VCL: variants seen among roughly 807,000 people sequenced by gnomAD.
VCL encodes epididymis luminal protein 114.
In VCL, 47 loss-of-function variants were observed where a neutral mutation model predicts 125.7. That is an observed-to-expected ratio of 0.37 (90% confidence interval 0.30 to 0.48). VCL has a LOEUF of 0.48. Among genes scored for constraint, VCL ranks in the 20% least tolerant of loss-of-function variants. The probability of loss-of-function intolerance (pLI) is 0.99; values close to 1 mark genes in which losing one functional copy is unlikely to be tolerated. For synonymous variants in VCL, 458 were observed against 514.6 expected (o/e 0.89, Z 1.49); for missense variants, 1,069 against 1,455.5 (o/e 0.73, Z 4.32).
chr10:73,999,824 C>A (rs1840193630), intron 1 of VCL, among the ~76,000 whole-genome samples: 1 of 152,164 alleles, frequency 6.6e-6, no homozygotes, highest in African/African-American at 2.4e-5. Flanking sequence ...TGTATTCATT[C>A]ACAATGTCTA....
At chr10:74,070,612 C>T (rs1375639777) in intron 2 of VCL, 58 bp from the exon 3 acceptor site, 5 of 1,607,720 alleles carry the variant, frequency 3.1e-6, no homozygotes, top group Non-Finnish European at 4.2e-6. Context: ...TTTGTATTTG[C>T]ATATGGTATT....
intron 8 of VCL, among the ~76,000 whole-genome samples, chr10:74,086,290 G>C (rs1839769902): frequency 6.6e-6 from 1 of 152,176 alleles, no homozygotes; most frequent in Non-Finnish European, 1.5e-5. Flanking sequence ...ACAATATTAT[G>C]TATAATTTCT....
chr10:74,087,751 G>T (rs1428537294), intron 8 of VCL, among the ~76,000 whole-genome samples: 1 of 151,884 alleles, frequency 6.6e-6, no homozygotes, highest in African/African-American at 2.4e-5. Context: ...TGAGGCTGGT[G>T]GATCTCTTGA....
At position 74,100,035 on chromosome 10, in the gene VCL, C is replaced by T. The variant is rs1840026274; in HGVS notation, c.1873-913C>T. ...AAAAAAGAGGACGCATTCCACTAGG[C>T]AGCTCCAGACATGTTCGTGTAGTGT... is the stretch of plus-strand genomic sequence containing the variant. On this transcript the variant is annotated intron_variant, in intron 13 of 21. Transcript: ENST00000211998. 3.3e-5 allele frequency among the ~76,000 whole-genome samples: 5 copies of T among 152,356 alleles called. No homozygotes were observed. In the South Asian group the frequency reaches 1.0e-3, roughly 32 times the overall value.
rs748846323 is a variant in VCL, at chr10:74,095,889, T to TA, written c.1743+35dup. ...CAGGAGCACATATCATTTTACTTTT[T>TA]ATGCTTCCTATTATTGAAAGACGAG... On this transcript the variant is annotated intron_variant, in intron 12 of 21. Coordinates refer to ENST00000211998, the MANE Select transcript of VCL (RefSeq NM_014000.3). The TA allele has an allele frequency of 4.4e-6, 7 of 1,605,476 alleles. No individual in the cohort carries two copies. The African/African-American group carries it at 9.4e-5, about 21-fold the overall frequency.
intron 16 of VCL, 117 bp from the exon 17 acceptor site, chr10:74,107,113 A>C (rs776558022): frequency 4.8e-5 from 75 of 1,550,790 alleles, no homozygotes; most frequent in Non-Finnish European, 6.3e-5. Context: ...ACTGCCCGTG[A>C]TATTTACTGG....
At chr10:74,036,783 A>G (rs1445930454) in intron 1 of VCL, among the ~76,000 whole-genome samples, 2 of 152,030 alleles carry the variant, frequency 1.3e-5, no homozygotes, top group East Asian at 3.9e-4. Flanking sequence ...ATTGGGAATC[A>G]TATTTCTCCA....
intron 1 of VCL, among the ~76,000 whole-genome samples, chr10:74,027,173 G>T (rs368775556): frequency 1.3e-5 from 2 of 152,116 alleles, no homozygotes; most frequent in African/African-American, 4.8e-5. Flanking sequence ...TTTTATTCTG[G>T]TGGGGCTCTG....
At chr10:74,069,908 A>T (rs770753019) in intron 2 of VCL, among the ~76,000 whole-genome samples, 2 of 152,202 alleles carry the variant, frequency 1.3e-5, no homozygotes, top group Non-Finnish European at 2.9e-5. Flanking sequence ...TGATCTGGTT[A>T]CTTATATTAA....
chr10:74,026,759 G>A lies in VCL; in HGVS notation c.169-16324G>A, dbSNP rs115979834. Among the ~76,000 whole-genome samples, 1,054 of 152,304 alleles carry A rather than the reference G, an allele frequency of 6.9e-3. 11 individuals carry two copies. Among genetic ancestry groups the A allele is most frequent in the African/African-American group, 0.024 (1,016 of 41,566 alleles). ...CTCAAAGAGATTAAGTAACTTGCCA[G>A]AGGACACAGATCTGGTAACAGCACA... is the stretch of plus-strand genomic sequence containing the variant. On this transcript the variant is annotated intron_variant, in intron 1 of 21. Transcript: ENST00000211998.
chr10:74,083,182 T>A lies in VCL; in HGVS notation c.875-184T>A, dbSNP rs189539613. ...CAAGTATCTTTTTTTGCGTGTCTGT[T>A]GTTGAAACCTCACCCTATGGTTTAA... is the stretch of plus-strand genomic sequence containing the variant. On this transcript the variant is annotated intron_variant, in intron 7 of 21. Coordinates refer to ENST00000211998, the MANE Select transcript of VCL (RefSeq NM_014000.3). Among the ~76,000 whole-genome samples, 245 of 152,330 alleles carry A rather than the reference T, an allele frequency of 1.6e-3. No individual in the cohort carries two copies. Among genetic ancestry groups the A allele is most frequent in the Admixed American group, 6.5e-3 (99 of 15,302 alleles).
At chr10:74,082,417 T>G (rs566843123) in intron 6 of VCL, 37 bp from the exon 7 acceptor site, 1 of 1,611,242 alleles carries the variant, frequency 6.2e-7, no homozygotes, top group South Asian at 1.1e-5. Flanking sequence ...ATCTCAACTT[T>G]TGCAAAGAAA....
At chr10:74,032,721 T>C (rs1461544306) in intron 1 of VCL, among the ~76,000 whole-genome samples, 1 of 149,388 alleles carries the variant, frequency 6.7e-6, no homozygotes, top group African/African-American at 2.5e-5. Flanking sequence ...TATATATATA[T>C]ATATATATAT....
intron 1 of VCL, among the ~76,000 whole-genome samples, chr10:74,029,856 T>TA (rs551947921): frequency 6.6e-5 from 10 of 152,122 alleles, no homozygotes; most frequent in African/African-American, 1.2e-4. Context: ...ATAGTTGATT[T>TA]AAAAAAAATA....
intron 2 of VCL, 44 bp from the exon 3 acceptor site, chr10:74,070,626 C>T (rs1841648858): frequency 6.2e-7 from 1 of 1,612,650 alleles, no homozygotes; most frequent in South Asian, 1.1e-5. Context: ...TGGTATTCTT[C>T]TGTGTGGTTC....
chr10:74,030,778 G>C (rs955553368), intron 1 of VCL, among the ~76,000 whole-genome samples: 1 of 152,150 alleles, frequency 6.6e-6, no homozygotes, highest in South Asian at 2.1e-4. Flanking sequence ...GAAATTTCTT[G>C]ATTTTCAACT....
At chr10:74,091,298 G>T (rs1839879902) in intron 10 of VCL, among the ~76,000 whole-genome samples, 2 of 152,144 alleles carry the variant, frequency 1.3e-5, no homozygotes, top group Non-Finnish European at 2.9e-5. Context: ...TGGTAATGGT[G>T]CTAACAGCAG....
intron 16 of VCL, 100 bp downstream of exon 16, chr10:74,105,453 G>C: frequency 6.7e-7 from 1 of 1,485,800 alleles, no homozygotes. Flanking sequence ...TACAAAGTCT[G>C]GGGGCAAAAA....
Position 74,071,069 on chromosome 10 carries a change from A to G in VCL, c.485A>G (p.Lys162Arg). 6.2e-7 allele frequency: 1 copy of G among 1,614,130 alleles called. No individual in the cohort carries two copies. The highest frequency in any genetic ancestry group is 1.1e-5 in the South Asian group (1 of 91,084). The change falls in exon 4 of 22, where the codon AAG (lysine) becomes AGG (arginine). Residue 162 changes from lysine (K) to arginine (R), a missense_variant. Physicochemically the swap from Lys to Arg is conservative, Grantham distance 26 (BLOSUM62 2). Coordinates refer to ENST00000211998, the MANE Select transcript of VCL (RefSeq NM_014000.3). This position sits in a 1 kb window ranked among gnomAD's most constrained non-coding sequence, Gnocchi z 4.1. ...ATGGAAGATTTGGTCACTTACACAA[A>G]GAATCTTGGGCCAGGTTAGTTTTAT... ...ETMEDLVTYTKNLGPGMTKMA... is the reference protein window; with the variant it reads ...ETMEDLVTYTRNLGPGMTKMA...
Sources: gnomAD v4.1 joint callset for allele counts (sites outside exome capture counted in the v4.1 genomes callset) on GRCh38, gnomAD v4.1.1 for gene constraint, Gnocchi (gnomAD v3.1) non-coding constraint, MANE v1.5 for transcripts, NCBI Gene and HGNC (gene_info 2026-07-23, HGNC 2026-07-21) for gene names.